The following KPNA3 variants were observed in gnomAD, a reference collection of about 807,000 sequenced individuals.
KPNA3 encodes importin subunit alpha-4.
KPNA3 carries 13 observed loss-of-function variants against 73.8 expected under a neutral mutation model. That is an observed-to-expected ratio of 0.18 (90% confidence interval 0.11 to 0.28). KPNA3 has a LOEUF of 0.28. Among genes scored for constraint, KPNA3 ranks in the 10% least tolerant of loss-of-function variants. The probability of loss-of-function intolerance (pLI) is 1.00; values close to 1 mark genes in which losing one functional copy is unlikely to be tolerated. For missense variants in KPNA3, 360 were observed against 618.1 expected (o/e 0.58, Z 4.43); for synonymous variants, 186 against 206.9 (o/e 0.90, Z 0.87).
chr13:49,725,808 AT>A (rs1954404507), intron 6 of KPNA3, among the ~76,000 whole-genome samples: 1 of 152,040 alleles, frequency 6.6e-6, no homozygotes, highest in African/African-American at 2.4e-5. Flanking sequence ...CACCTGGCTC[AT>A]TTTTGTACTT....
chr13:49,741,100 T>C (rs1040140266), intron 2 of KPNA3, among the ~76,000 whole-genome samples: 1 of 152,196 alleles, frequency 6.6e-6, no homozygotes, highest in East Asian at 1.9e-4. Context: ...GCAATAAACA[T>C]GGGAGTGCAG....
chr13:49,789,446 C>T (rs745512295), intron 1 of KPNA3, among the ~76,000 whole-genome samples: 5 of 152,150 alleles, frequency 3.3e-5, no homozygotes, highest in Non-Finnish European at 7.3e-5. Context: ...CCTGGCATAA[C>T]TCTATCCTTT....
intron 1 of KPNA3, among the ~76,000 whole-genome samples, chr13:49,780,719 CTT>C (rs11352434): frequency 3.4e-3 from 443 of 130,436 alleles, no homozygotes; most frequent in East Asian, 1.0e-2. Context: ...AAAAATATTT[CTT>C]TTTTTTTTTT....
intron 1 of KPNA3, among the ~76,000 whole-genome samples, chr13:49,759,611 T>G (rs1489245870): frequency 6.6e-6 from 1 of 152,162 alleles, no homozygotes; most frequent in Non-Finnish European, 1.5e-5. Flanking sequence ...AGGCATTAGA[T>G]TCTCATAAGG....
chr13:49,703,173 T>TTC (rs1166087257), intron 15 of KPNA3, among the ~76,000 whole-genome samples: 2 of 131,328 alleles, frequency 1.5e-5, no homozygotes, highest in Non-Finnish European at 3.4e-5. Context: ...TGGGCATTTT[T>TTC]TCTTTCTTTC....
intron 2 of KPNA3, among the ~76,000 whole-genome samples, chr13:49,745,440 GCCC>G (rs199567066): frequency 0.3 from 44,962 of 150,898 alleles, 6,916 homozygotes; most frequent in Non-Finnish European, 0.34. Flanking sequence ...GCTCACTGCA[GCCC>G]CTGCCTCCAG....
At chr13:49,735,998 T>G (rs950473729) in intron 2 of KPNA3, among the ~76,000 whole-genome samples, 1 of 152,250 alleles carries the variant, frequency 6.6e-6, no homozygotes, top group Non-Finnish European at 1.5e-5. Flanking sequence ...GCAAGTTTGA[T>G]GCCAATTCTT....
chr13:49,787,962 T>G (rs2407804), intron 1 of KPNA3, among the ~76,000 whole-genome samples: 128,638 of 152,154 alleles, frequency 0.85, 54,622 homozygotes, highest in East Asian at 1. Flanking sequence ...TTACAGGCGT[T>G]AGCCATTGCG....
intron 1 of KPNA3, among the ~76,000 whole-genome samples, chr13:49,787,233 T>A (rs1954990356): frequency 6.6e-6 from 1 of 152,194 alleles, no homozygotes; most frequent in African/African-American, 2.4e-5. Flanking sequence ...CGGATTATCA[T>A]TTTTTGGTAA....
intron 12 of KPNA3, among the ~76,000 whole-genome samples, chr13:49,706,810 G>A (rs1030211859): frequency 1.3e-4 from 20 of 151,560 alleles, no homozygotes; most frequent in African/African-American, 7.3e-5. Context: ...GTGCAGTGGC[G>A]TGATCTCGGC....
At chr13:49,744,365 T>C (rs762354064) in intron 2 of KPNA3, among the ~76,000 whole-genome samples, 3 of 152,208 alleles carry the variant, frequency 2.0e-5, no homozygotes, top group Admixed American at 1.3e-4. Context: ...GTTGTGTCCA[T>C]AAAGGAGTTG....
intron 1 of KPNA3, among the ~76,000 whole-genome samples, chr13:49,761,225 GTCTCCC>G (rs1166704562): frequency 2.0e-5 from 3 of 151,284 alleles, no homozygotes; most frequent in Non-Finnish European, 4.4e-5. Flanking sequence ...TCTCCCCACG[GTCTCCC>G]TCTCCCTCTC....
intron 1 of KPNA3, among the ~76,000 whole-genome samples, chr13:49,751,382 C>G (rs1403675808): frequency 6.6e-6 from 1 of 152,228 alleles, no homozygotes; most frequent in African/African-American, 2.4e-5. Context: ...CGGCCACTAT[C>G]TAAGAGTAAG....
intron 1 of KPNA3, among the ~76,000 whole-genome samples, chr13:49,778,389 T>A (rs1045118455): frequency 5.3e-5 from 8 of 152,228 alleles, no homozygotes; most frequent in Non-Finnish European, 1.2e-4. Context: ...TACCTCTGTC[T>A]ATACATCTTC....
At chr13:49,740,597 C>T (rs1360467367) in intron 2 of KPNA3, among the ~76,000 whole-genome samples, 7 of 152,078 alleles carry the variant, frequency 4.6e-5, no homozygotes, top group Admixed American at 1.3e-4. Flanking sequence ...TGCCTTTCAC[C>T]TTCTGCCATG....
chr13:49,771,119 C>CAAAA (rs34079476), intron 1 of KPNA3, among the ~76,000 whole-genome samples: 7 of 120,742 alleles, frequency 5.8e-5, no homozygotes, highest in African/African-American at 2.4e-4. Context: ...GTTGATATTT[C>CAAAA]AAAAAAAAAA....
In KPNA3 at chr13:49,729,925, G is replaced by C. The variant is rs146111987; in HGVS notation, c.383+2446C>G. 9.9e-4 allele frequency among the ~76,000 whole-genome samples: 150 copies of C among 152,278 alleles called. 2 individuals are homozygous for C. The highest frequency in any genetic ancestry group is 3.5e-3 in the African/African-American group (147 of 41,560). ...ATAGCTGAGGTTCAAAAGCCACGTG[G>C]ATTTTTATCAACAGCAAACCCTGGA... On this transcript the variant is annotated intron_variant, in intron 6 of 16. Transcript: ENST00000261667.
chr13:49,729,477 G>A lies in KPNA3; in HGVS notation c.383+2894C>T, dbSNP rs550602550. ...AAATGAGAAAAGATATAGAAAAAAC[G>A]AGTGCAATAACAAATGGACATTTAT... On this transcript the variant is annotated intron_variant, in intron 6 of 16. Coordinates refer to ENST00000261667, the MANE Select transcript of KPNA3 (RefSeq NM_002267.4). Among the ~76,000 whole-genome samples, 9 of 152,234 alleles carry A rather than the reference G, an allele frequency of 5.9e-5. No individual in the cohort carries two copies. The East Asian group carries it at 1.5e-3, about 26-fold the overall frequency.
At chr13:49,762,245 AG>A (rs552372571) in intron 1 of KPNA3, among the ~76,000 whole-genome samples, 1,579 of 129,218 alleles carry the variant, frequency 0.012, 13 homozygotes, top group Non-Finnish European at 0.018. Context: ...CGGAGGGAGG[AG>A]GGGGGGCGCC....
Sources: allele counts gnomAD v4.1 joint callset (sites outside exome capture counted in the v4.1 genomes callset), GRCh38; gene constraint gnomAD v4.1.1; transcripts MANE v1.5; gene names NCBI Gene and HGNC (gene_info 2026-07-23, HGNC 2026-07-21).